Variants in ERG observed in about 807,000 individuals in gnomAD.
ERG encodes the protein ETS transcription factor ERG, also known as transcriptional regulator ERG.
Under a neutral mutation model 55.3 loss-of-function variants are expected in ERG, and 9 were observed. The ratio of observed to expected loss-of-function variants is 0.16; its 90% CI spans 0.10 to 0.28. ERG has a LOEUF of 0.28. Ranked by LOEUF, ERG falls within the 10% of genes least tolerant of loss-of-function variation. The pLI is 1.00. For missense variants in ERG, 434 were observed against 631.6 expected (o/e 0.69, Z 3.35); for synonymous variants, 223 against 237.3 (o/e 0.94, Z 0.55).
chr21:38,434,992 G>A (rs1332757783), intron 2 of ERG, among the ~76,000 whole-genome samples: 1 of 152,166 alleles, frequency 6.6e-6, no homozygotes, highest in East Asian at 1.9e-4. Context: ...CTTTCTGAAT[G>A]TTCCTTTTGG....
chr21:38,534,430 G>T (rs1375443504), intron 2 of ERG, among the ~76,000 whole-genome samples: 1 of 152,096 alleles, frequency 6.6e-6, no homozygotes, highest in African/African-American at 2.4e-5. Context: ...CTGCTTTGAA[G>T]AATTATTTTA....
intron 2 of ERG, among the ~76,000 whole-genome samples, chr21:38,528,100 G>A (rs2059643129): frequency 6.6e-6 from 1 of 152,090 alleles, no homozygotes; most frequent in Non-Finnish European, 1.5e-5. Flanking sequence ...GGTGTTCCTT[G>A]GCTTATAGAA....
chr21:38,440,714 G>A (rs368164104), intron 2 of ERG, among the ~76,000 whole-genome samples: 32 of 148,618 alleles, frequency 2.2e-4, no homozygotes, highest in African/African-American at 6.7e-4. Context: ...GCTTGAACTC[G>A]GGAGGCAGAG....
intron 2 of ERG, among the ~76,000 whole-genome samples, chr21:38,565,063 G>A (rs1372992624): frequency 1.3e-5 from 2 of 152,142 alleles, no homozygotes; most frequent in Non-Finnish European, 2.9e-5. Context: ...TTTAGAGTAG[G>A]TGGCACCATC....
At chr21:38,508,032 CACAAAG>C in intron 2 of ERG, among the ~76,000 whole-genome samples, 1 of 8,534 alleles carries the variant, frequency 1.2e-4, no homozygotes, top group Non-Finnish European at 2.6e-4. Flanking sequence ...CACACATGCA[CACAAAG>C]ACAGACACAT....
chr21:38,562,829 T>C (rs1378403733), intron 2 of ERG, among the ~76,000 whole-genome samples: 2 of 151,832 alleles, frequency 1.3e-5, no homozygotes, highest in African/African-American at 4.8e-5. Context: ...TGAGGGGAGG[T>C]ACTGAATTGA....
chr21:38,490,145 CAGAG>C (rs1320110345), intron 1 of ERG, among the ~76,000 whole-genome samples: 1 of 151,904 alleles, frequency 6.6e-6, no homozygotes, highest in Non-Finnish European at 1.5e-5. Context: ...CTGTGTCTGT[CAGAG>C]TTCTTACTTT....
At chr21:38,416,735 G>C (rs1989298232) in intron 3 of ERG, among the ~76,000 whole-genome samples, 1 of 152,204 alleles carries the variant, frequency 6.6e-6, no homozygotes, top group Admixed American at 6.5e-5. Flanking sequence ...TAATTGGTAA[G>C]ATGTCATAAG....
At chr21:38,525,228 G>A (rs1158921429) in intron 2 of ERG, among the ~76,000 whole-genome samples, 2 of 152,060 alleles carry the variant, frequency 1.3e-5, no homozygotes, top group Admixed American at 6.5e-5. Context: ...AAGATCACAC[G>A]TGGTGTAGCT....
At chr21:38,634,781 T>C (rs2060378280) in intron 1 of ERG, among the ~76,000 whole-genome samples, 1 of 152,236 alleles carries the variant, frequency 6.6e-6, no homozygotes, top group Admixed American at 6.5e-5. Flanking sequence ...AGAATCTCAA[T>C]AATGATTACA....
chr21:38,447,793 C>T (rs1388284092), intron 1 of ERG, among the ~76,000 whole-genome samples: 2 of 152,092 alleles, frequency 1.3e-5, no homozygotes, highest in Non-Finnish European at 2.9e-5. Flanking sequence ...TCTCTCCTTC[C>T]TGGGCCTGAG....
At chr21:38,408,861 T>A (rs1430881235) in intron 3 of ERG, among the ~76,000 whole-genome samples, 1 of 152,166 alleles carries the variant, frequency 6.6e-6, no homozygotes, top group Non-Finnish European at 1.5e-5. Flanking sequence ...AGGCATCACC[T>A]TTGCCTATGT....
intron 1 of ERG, chr21:38,471,697 T>A (rs2059140726): frequency 6.6e-6 from 1 of 152,210 alleles, no homozygotes; most frequent in Non-Finnish European, 1.5e-5. Context: ...TTTTGTTTCA[T>A]TTCCTCTTAC....
chr21:38,615,770 T>C (rs879885100), intron 1 of ERG, among the ~76,000 whole-genome samples: 8 of 151,940 alleles, frequency 5.3e-5, no homozygotes, highest in African/African-American at 1.7e-4. Flanking sequence ...TGGTTTGTAC[T>C]GACTGCCAAT....
At chr21:38,438,627 A>G (rs1389535818) in intron 2 of ERG, among the ~76,000 whole-genome samples, 1 of 152,228 alleles carries the variant, frequency 6.6e-6, no homozygotes, top group African/African-American at 2.4e-5. Context: ...CAAGGCCCAG[A>G]TAGCATTGTC....
chr21:38,456,120 C>T (rs1281378860), intron 1 of ERG, among the ~76,000 whole-genome samples: 1 of 152,214 alleles, frequency 6.6e-6, no homozygotes, highest in Non-Finnish European at 1.5e-5. Context: ...CATCCTCTTT[C>T]AGCCATAGCC....
chr21:38,376,646 C>T (rs534886577), downstream of ERG, among the ~76,000 whole-genome samples: 2 of 152,238 alleles, frequency 1.3e-5, no homozygotes, highest in Non-Finnish European at 2.9e-5. Flanking sequence ...CAGGCCCTGC[C>T]GGACTTGAGA....
intron 2 of ERG, among the ~76,000 whole-genome samples, chr21:38,522,864 C>T (rs1387400072): frequency 6.6e-6 from 1 of 152,202 alleles, no homozygotes; most frequent in Non-Finnish European, 1.5e-5. Flanking sequence ...TGAACAACGA[C>T]GTTGCTCTGA....
At chr21:38,588,686 G>C (rs1488578869), upstream of ERG, among the ~76,000 whole-genome samples, 1 of 152,132 alleles carries the variant, frequency 6.6e-6, no homozygotes, top group African/African-American at 2.4e-5. Flanking sequence ...GGTTGCTGAT[G>C]GTCCAGATGG....
Sources: allele counts gnomAD v4.1 joint callset (sites outside exome capture counted in the v4.1 genomes callset), GRCh38; gene constraint gnomAD v4.1.1; transcripts MANE v1.5; gene names NCBI Gene and HGNC (gene_info 2026-07-23, HGNC 2026-07-21).